The following MAP4K3 variants were observed in gnomAD, a reference collection of about 807,000 sequenced individuals.
The protein encoded by MAP4K3 is mitogen-activated protein kinase kinase kinase kinase 3.
Under a neutral mutation model 143.5 loss-of-function variants are expected in MAP4K3, and 94 were observed. The observed-to-expected ratio is 0.65, with a 90% CI of 0.55 to 0.78. The LOEUF is 0.78. Among genes scored for constraint, MAP4K3 ranks in the 30% least tolerant of loss-of-function variants. The probability of loss-of-function intolerance (pLI) is 0.00; values close to 1 mark genes in which losing one functional copy is unlikely to be tolerated. For synonymous variants in MAP4K3, 416 were observed against 347.2 expected, an observed-to-expected ratio of 1.20 and a Z score of -2.20; for missense variants, 1,077 against 1,068.1, an observed-to-expected ratio of 1.01 and a Z score of -0.12.
chr2:39,364,030 G>T (rs1665848733), intron 2 of MAP4K3, among the ~76,000 whole-genome samples: 1 of 148,026 alleles, frequency 6.8e-6, no homozygotes, highest in Non-Finnish European at 1.5e-5. Context: ...AGCAAGTGTT[G>T]TCCAGGATAT....
intron 1 of MAP4K3, among the ~76,000 whole-genome samples, chr2:39,436,244 AG>A (rs1665470542): frequency 6.6e-6 from 1 of 152,148 alleles, no homozygotes. Flanking sequence ...TAAGTATTCA[AG>A]TCACTTTTTA....
At chr2:39,386,328 C>T (rs915683405) in intron 1 of MAP4K3, among the ~76,000 whole-genome samples, 5 of 152,224 alleles carry the variant, frequency 3.3e-5, no homozygotes, top group Non-Finnish European at 7.3e-5. Context: ...TAAATTTCTA[C>T]TGTTGAAGCC....
chr2:39,380,861 G>A (rs998436094), intron 1 of MAP4K3, among the ~76,000 whole-genome samples: 1 of 152,094 alleles, frequency 6.6e-6, no homozygotes, highest in African/African-American at 2.4e-5. Context: ...CTTTCATGGT[G>A]TATGATTCAG....
intron 1 of MAP4K3, among the ~76,000 whole-genome samples, chr2:39,406,297 A>G (rs1667091033): frequency 1.3e-5 from 2 of 152,178 alleles, no homozygotes; most frequent in Non-Finnish European, 2.9e-5. Context: ...GTAGAGAAAG[A>G]GACAGGGGTA....
intron 29 of MAP4K3, among the ~76,000 whole-genome samples, chr2:39,260,322 C>T (rs2148439616): frequency 6.6e-6 from 1 of 152,228 alleles, no homozygotes; most frequent in African/African-American, 2.4e-5. Flanking sequence ...TGCTACATTG[C>T]CCAGGCTGTT....
intron 16 of MAP4K3, chr2:39,293,908 A>AT (rs1026370304): frequency 2.6e-5 from 4 of 152,384 alleles, no homozygotes; most frequent in South Asian, 2.1e-4. Context: ...CTAAGCCTGT[A>AT]TCAGACCAGG....
chr2:39,417,519 A>G (rs1430673999), intron 1 of MAP4K3, among the ~76,000 whole-genome samples: 1 of 152,048 alleles, frequency 6.6e-6, no homozygotes, highest in Non-Finnish European at 1.5e-5. Flanking sequence ...CACCCGCCCG[A>G]AAGCCAGGTT....
intron 6 of MAP4K3, among the ~76,000 whole-genome samples, chr2:39,336,126 A>G (rs1449891901): frequency 6.6e-6 from 1 of 152,178 alleles, no homozygotes; most frequent in Non-Finnish European, 1.5e-5. Flanking sequence ...CCACTGGGCT[A>G]ACCCCAGCAC....
At chr2:39,358,469 G>C (rs189163663) in intron 2 of MAP4K3, among the ~76,000 whole-genome samples, 4 of 152,166 alleles carry the variant, frequency 2.6e-5, no homozygotes, top group African/African-American at 9.6e-5. Context: ...ATAATTAATT[G>C]CCTACATATT....
At chr2:39,270,360 T>G (rs1280125410) in intron 26 of MAP4K3, among the ~76,000 whole-genome samples, 2 of 152,248 alleles carry the variant, frequency 1.3e-5, no homozygotes, top group African/African-American at 4.8e-5. Flanking sequence ...CAACTTATTT[T>G]ACCAGCACCC....
At chr2:39,340,092 A>C (rs1445779016) in intron 4 of MAP4K3, among the ~76,000 whole-genome samples, 1 of 152,206 alleles carries the variant, frequency 6.6e-6, no homozygotes, top group African/African-American at 2.4e-5. Context: ...AAAAGTAAAT[A>C]AAAGTTAAAG....
chr2:39,391,614 T>A (rs1022649986), intron 1 of MAP4K3, among the ~76,000 whole-genome samples: 1 of 152,144 alleles, frequency 6.6e-6, no homozygotes, highest in Non-Finnish European at 1.5e-5. Flanking sequence ...CACTACTATA[T>A]CCTTGGCACC....
rs1253390957 is a variant in MAP4K3, at chr2:39,258,537, T to C, written c.2359A>G (p.Ile787Val). ...THVTQLERDT[I>V]LVCLDCCIKI... ...AACTTACAGTCCAAGCATACAAGGA[T>C]GGTATCTCTCTCCAGTTGGGTTACA... Residue 787 changes from isoleucine (I) to valine (V), a missense_variant, in exon 30 of 34, where the codon ATC becomes GTC. By Grantham distance (29) the Ile-to-Val change is conservative (BLOSUM62 3). This residue lies in a region of MAP4K3 where 864 missense variants were observed against 801.2 expected (regional missense o/e 1.08). Coordinates refer to ENST00000263881, the MANE Select transcript of MAP4K3 (RefSeq NM_003618.4). 2 of 1,613,578 alleles carry C rather than the reference T, an allele frequency of 1.2e-6. No individual in the cohort carries two copies. Among genetic ancestry groups the C allele is most frequent in the East Asian group, 4.5e-5 (2 of 44,864 alleles).
At chr2:39,396,478 ATTT>A (rs1056811510) in intron 1 of MAP4K3, among the ~76,000 whole-genome samples, 4 of 138,148 alleles carry the variant, frequency 2.9e-5, no homozygotes, top group Admixed American at 7.3e-5. Flanking sequence ...CAAGCCCCCA[ATTT>A]TTTTTTTTTT....
chr2:39,306,118 G>A (rs1019866655), intron 15 of MAP4K3, among the ~76,000 whole-genome samples: 2 of 152,148 alleles, frequency 1.3e-5, no homozygotes, highest in South Asian at 4.1e-4. Context: ...ATGAGCCACC[G>A]TGCCCGGCTG....
intron 2 of MAP4K3, among the ~76,000 whole-genome samples, chr2:39,374,452 C>T (rs1440543245): frequency 6.6e-6 from 1 of 151,970 alleles, no homozygotes; most frequent in African/African-American, 2.4e-5. Flanking sequence ...GAGGCAGAGG[C>T]GGGTGGATCA....
At chr2:39,356,051 T>C (rs572285757) in intron 3 of MAP4K3, 198 bp downstream of exon 3, 10 of 458,126 alleles carry the variant, frequency 2.2e-5, no homozygotes, top group African/African-American at 4.1e-5. Flanking sequence ...ACATCTAGAA[T>C]TCCCAAGTCA....
At chr2:39,279,459 C>T (rs1681420862) in intron 23 of MAP4K3, among the ~76,000 whole-genome samples, 1 of 152,054 alleles carries the variant, frequency 6.6e-6, no homozygotes, top group Admixed American at 6.6e-5. Context: ...AAAATGTTCA[C>T]GTATAAATGT....
At chr2:39,320,595 A>G (rs1221124757) in intron 12 of MAP4K3, among the ~76,000 whole-genome samples, 1 of 151,708 alleles carries the variant, frequency 6.6e-6, no homozygotes, top group East Asian at 1.9e-4. Context: ...TTCTATGTGC[A>G]CTGCCAACTT....
Sources: allele counts gnomAD v4.1 joint callset (sites outside exome capture counted in the v4.1 genomes callset), GRCh38; gene constraint gnomAD v4.1.1; regional missense constraint gnomAD v4.1.1; transcripts MANE v1.5; gene names NCBI Gene and HGNC (gene_info 2026-07-23, HGNC 2026-07-21).